The following NCLN variants were observed in gnomAD, a reference collection of about 807,000 sequenced individuals.
NCLN encodes BOS complex subunit NCLN.
In NCLN, 34 loss-of-function variants were observed where a neutral mutation model predicts 69.5. The ratio of observed to expected loss-of-function variants is 0.49; its 90% confidence interval spans 0.37 to 0.65. NCLN has a LOEUF of 0.65. Among genes scored for constraint, NCLN ranks in the 30% least tolerant of loss-of-function variants. The pLI, the probability that NCLN is intolerant of heterozygous loss-of-function variation, is 0.00. For missense variants in NCLN, 710 were observed against 804.8 expected (o/e 0.88, Z 1.42); for synonymous variants, 393 against 358.3 (o/e 1.10, Z -1.09).
intron 3 of NCLN, among the ~76,000 whole-genome samples, chr19:3,195,327 G>A (rs1413100305): frequency 1.3e-5 from 2 of 151,644 alleles, no homozygotes; most frequent in Non-Finnish European, 2.9e-5. Context: ...TCGGCTCACT[G>A]CAAGCTCCAC....
rs1568315722 is a variant in NCLN, at chr19:3,205,869, T to C, written c.1209-70T>C. 1 of 1,407,232 alleles carries C rather than the reference T, an allele frequency of 7.1e-7. No individual in the cohort carries two copies. The highest frequency in any genetic ancestry group is 1.0e-6 in the Non-Finnish European group (1 of 994,916). The allele number at this position is 1,407,232 out of a possible 1,614,324, so 87.2% of individuals were successfully genotyped here. ...GGTCTCCTAGGCTGGAGTGCTGGGATTACAAGTGTGAGAGCTACCTTGCCT... is the reference window on the plus strand; with the variant it reads ...GGTCTCCTAGGCTGGAGTGCTGGGACTACAAGTGTGAGAGCTACCTTGCCT... On this transcript the variant is annotated intron_variant, in intron 9 of 14. Coordinates refer to ENST00000246117, the MANE Select transcript of NCLN (RefSeq NM_020170.4). This position sits in a 1 kb window ranked among gnomAD's most constrained non-coding sequence, Gnocchi z 4.6.
chr19:3,189,709 A>C (rs571894001), intron 1 of NCLN, among the ~76,000 whole-genome samples: 1 of 152,336 alleles, frequency 6.6e-6, no homozygotes, highest in African/African-American at 2.4e-5. Context: ...TGTCCACACT[A>C]GCTTGTGGCC....
chr19:3,206,092 C>T, intron 10 of NCLN, 60 bp from the exon 11 acceptor site: 2 of 1,574,102 alleles, frequency 1.3e-6, no homozygotes, highest in South Asian at 1.2e-5. Flanking sequence ...CGGCCCCACC[C>T]CTGGCCCCAG....
rs1241211415 is a variant in NCLN, at chr19:3,209,179, C to G, written c.*1491C>G. Reference sequence around the variant, plus strand: ...CCAGTTCTTCGGCCAGCACCTCTGCCCTCCAGAACCTGCAGCCTGGAGGGG... The same window carrying G: ...CCAGTTCTTCGGCCAGCACCTCTGCGCTCCAGAACCTGCAGCCTGGAGGGG... On this transcript the variant is annotated 3_prime_UTR_variant, in exon 15 of 15. Coordinates refer to ENST00000246117, the MANE Select transcript of NCLN (RefSeq NM_020170.4). The G allele has an allele frequency of 6.6e-6, 1 of 152,354 alleles. No homozygotes were observed. Among genetic ancestry groups the G allele is most frequent in the Non-Finnish European group, 1.5e-5 (1 of 68,134 alleles). The allele number at this position is 152,354 out of a possible 1,614,324, so 9.4% of individuals were successfully genotyped here. A position where few individuals can be genotyped will look rare whatever the true frequency, so the allele number is the denominator to read the frequency against.
At chr19:3,192,240 G>A (rs1227743341) in intron 1 of NCLN, among the ~76,000 whole-genome samples, 4 of 152,292 alleles carry the variant, frequency 2.6e-5, no homozygotes, top group South Asian at 2.1e-4. Flanking sequence ...CCCAGGGTTC[G>A]CGTGGCACTG....
Position 3,205,899 on chromosome 19 carries a change from C to T in NCLN, c.1209-40C>T. Reference sequence around the variant, plus strand: ...AGTGTGAGAGCTACCTTGCCTGGCCCAAAGTCCACATTTTAAAACATTGTT... The same window carrying T: ...AGTGTGAGAGCTACCTTGCCTGGCCTAAAGTCCACATTTTAAAACATTGTT... On this transcript the variant is annotated intron_variant, in intron 9 of 14. Transcript: ENST00000246117. This position sits in a 1 kb window ranked among gnomAD's most constrained non-coding sequence, Gnocchi z 4.6. 6.2e-7 allele frequency: 1 copy of T among 1,603,474 alleles called. No individual in the cohort carries two copies.
intron 1 of NCLN, among the ~76,000 whole-genome samples, chr19:3,190,775 G>A (rs1471322638): frequency 1.3e-5 from 2 of 152,170 alleles, no homozygotes; most frequent in Non-Finnish European, 2.9e-5. Context: ...GCCCCCCTGC[G>A]TCAGGTCTGC....
Position 3,192,519 on chromosome 19 carries a change from G to A in NCLN, c.234G>A (p.Glu78=). ...CGGAGGCGCGCACGATGGCGGCGGA[G>A]GTGCTGAGCCGCCGCTGCGTGCTCA... The part of the protein sequence containing the change: ...LNTEARTMAA[E]VLSRRCVLMR... The change falls in exon 2 of 15, where the codon GAG becomes GAA. Residue 78 remains glutamate, a synonymous_variant. Coordinates refer to ENST00000246117, the MANE Select transcript of NCLN (RefSeq NM_020170.4). The A allele has an allele frequency of 6.2e-7, 1 of 1,608,504 alleles. No homozygotes were observed. Among genetic ancestry groups the A allele is most frequent in the Non-Finnish European group, 8.5e-7 (1 of 1,178,292 alleles).
chr19:3,190,199 G>A (rs537721964), intron 1 of NCLN, among the ~76,000 whole-genome samples: 6 of 152,310 alleles, frequency 3.9e-5, no homozygotes, highest in Non-Finnish European at 8.8e-5. Flanking sequence ...GGTCTTTGCT[G>A]CCATGTCCCT....
chr19:3,201,887 C>T (rs1038301642), intron 6 of NCLN, among the ~76,000 whole-genome samples: 2 of 152,170 alleles, frequency 1.3e-5, no homozygotes, highest in African/African-American at 2.4e-5. Context: ...TTAGAGACGC[C>T]CGGTTAAGGG....
At chr19:3,193,187 C>T in intron 2 of NCLN, 97 bp from the exon 3 acceptor site, 4 of 1,188,764 alleles carry the variant, frequency 3.4e-6, no homozygotes, top group East Asian at 2.4e-5. Context: ...AGTCACTGGG[C>T]CCCCTGCTAC....
At chr19:3,202,289 C>T (rs1373968824) in intron 6 of NCLN, among the ~76,000 whole-genome samples, 2 of 152,170 alleles carry the variant, frequency 1.3e-5, no homozygotes, top group Non-Finnish European at 2.9e-5. Context: ...GGGAGTTTAT[C>T]CTGGTGTCTG....
At position 3,204,759 on chromosome 19, in the gene NCLN, C is replaced by T. The variant is rs368613706; in HGVS notation, c.1208+8C>T. 210 of 1,483,028 alleles carry T rather than the reference C, an allele frequency of 1.4e-4. No individual in the cohort carries two copies. Among genetic ancestry groups the T allele is most frequent in the Middle Eastern group, 4.1e-4 (2 of 4,938 alleles). 91.9% of individuals were successfully genotyped at this position (1,483,028 alleles called of 1,614,324 possible). On this transcript the variant is annotated splice_region_variant and intron_variant, in intron 9 of 14. Transcript: ENST00000246117. ...CAGCATCATGGACGTGCGGTGAGCG[C>T]GGCAGCACCTGCCCGGCCCCTCCTA...
In NCLN at chr19:3,202,413, T is replaced by C. The variant is rs917727684; in HGVS notation, c.800+787T>C. Among the ~76,000 whole-genome samples the C allele has an allele frequency of 2.0e-5, 3 of 152,122 alleles. No individual in the cohort carries two copies. In the East Asian group the frequency reaches 5.8e-4, roughly 29 times the overall value. ...TCTCTCCTGGGTGCCACCCACTCCA[T>C]CCCAGGAGCACCCCCAGACGTAGCA... On this transcript the variant is annotated intron_variant, in intron 6 of 14. Coordinates refer to ENST00000246117, the MANE Select transcript of NCLN (RefSeq NM_020170.4).
Position 3,185,954 on chromosome 19 carries a change from G to A in NCLN, c.-77G>A, listed in dbSNP as rs551322599. On this transcript the variant is annotated 5_prime_UTR_variant, in exon 1 of 15. Coordinates refer to ENST00000246117, the MANE Select transcript of NCLN (RefSeq NM_020170.4). ...CAGGACCCCGGCGGCTACCCATGCCGAGGTGAGTCCGCGGGAGCCGCCGCC... is the reference window on the plus strand; with the variant it reads ...CAGGACCCCGGCGGCTACCCATGCCAAGGTGAGTCCGCGGGAGCCGCCGCC... 1 of 1,209,624 alleles carries A rather than the reference G, an allele frequency of 8.3e-7. No individual in the cohort carries two copies. The highest frequency in any genetic ancestry group is 1.1e-6 in the Non-Finnish European group (1 of 937,748). The allele number at this position is 1,209,624 out of a possible 1,614,324, so 74.9% of individuals were successfully genotyped here.
Position 3,205,737 on chromosome 19 carries a change from G to A in NCLN, c.1209-202G>A. On this transcript the variant is annotated intron_variant, in intron 9 of 14. Transcript: ENST00000246117. The surrounding 1 kb of genome is among the most constrained non-coding windows in gnomAD (Gnocchi z 4.6). The stretch of plus-strand genomic sequence containing the variant: ...TACCTGCGCACAGGGACGGGTCAGG[G>A]CAAGGGGCCTGGAGGTGTGGGGCCC... 1 of 589,864 alleles carries A rather than the reference G, an allele frequency of 1.7e-6. No homozygotes were observed. Among genetic ancestry groups the A allele is most frequent in the Non-Finnish European group, 3.0e-6 (1 of 332,908 alleles). 36.5% of individuals were successfully genotyped at this position (589,864 alleles called of 1,614,324 possible).
At chr19:3,195,483 T>A (rs939653819) in intron 3 of NCLN, among the ~76,000 whole-genome samples, 1 of 152,088 alleles carries the variant, frequency 6.6e-6, no homozygotes, top group Admixed American at 6.6e-5. Flanking sequence ...TCTCCTGACG[T>A]CGTGATTCGC....
In NCLN at chr19:3,209,063, C is replaced by G. The variant is rs1568317347; in HGVS notation, c.*1375C>G. On this transcript the variant is annotated 3_prime_UTR_variant, in exon 15 of 15. Transcript: ENST00000246117. The stretch of plus-strand genomic sequence containing the variant: ...CCGCAGCCGTCTCCCTTCCGTGGCC[C>G]AGGGAGGTGTTTGCTGTCCGAAGGA... 1.3e-5 allele frequency: 2 copies of G among 152,454 alleles called. No homozygotes were observed. The highest frequency in any genetic ancestry group is 2.9e-5 in the Non-Finnish European group (2 of 68,204). 9.4% of individuals were successfully genotyped at this position (152,454 alleles called of 1,614,324 possible). A position where few individuals can be genotyped will look rare whatever the true frequency, so the allele number is the denominator to read the frequency against.
At chr19:3,198,616 G>T (rs530104932) in intron 4 of NCLN, among the ~76,000 whole-genome samples, 1 of 151,938 alleles carries the variant, frequency 6.6e-6, no homozygotes, top group Non-Finnish European at 1.5e-5. Flanking sequence ...CCCTGTTCCC[G>T]GCTCTACCTC....
Sources: gnomAD v4.1 joint callset for allele counts (sites outside exome capture counted in the v4.1 genomes callset) on GRCh38, gnomAD v4.1.1 for gene constraint, Gnocchi (gnomAD v3.1) non-coding constraint, MANE v1.5 for transcripts, NCBI Gene and HGNC (gene_info 2026-07-23, HGNC 2026-07-21) for gene names.